Variants in ZCCHC7 observed in about 807,000 individuals in gnomAD.
The protein encoded by ZCCHC7 is zinc finger CCHC domain-containing protein 7.
ZCCHC7 carries 35 observed loss-of-function variants against 52.0 expected under a neutral mutation model. The observed-to-expected ratio is 0.67, with a 90% CI of 0.51 to 0.89. The LOEUF (loss-of-function observed/expected upper bound fraction) is 0.89, where lower values mean the gene tolerates loss of function less well. Among genes scored for constraint, ZCCHC7 ranks in the 40% least tolerant of loss-of-function variants. ZCCHC7 has a pLI of 0.00. For missense variants in ZCCHC7, 574 were observed against 649.1 expected, an observed-to-expected ratio of 0.88 and a Z score of 1.26; for synonymous variants, 217 against 221.5, an observed-to-expected ratio of 0.98 and a Z score of 0.18.
chr9:37,277,716 C>A (rs1588597954), intron 2 of ZCCHC7, among the ~76,000 whole-genome samples: 1 of 152,090 alleles, frequency 6.6e-6, no homozygotes, highest in Admixed American at 6.5e-5. Context: ...ATAGAGGCTA[C>A]TATAGCACCT....
intron 2 of ZCCHC7, among the ~76,000 whole-genome samples, chr9:37,208,612 A>G (rs1824046447): frequency 6.6e-6 from 1 of 152,224 alleles, no homozygotes; most frequent in Non-Finnish European, 1.5e-5. Context: ...GCTTTCTGGT[A>G]CTTACATCTC....
chr9:37,340,472 T>G (rs1429817229), intron 6 of ZCCHC7, among the ~76,000 whole-genome samples: 3 of 151,642 alleles, frequency 2.0e-5, no homozygotes, highest in Non-Finnish European at 4.4e-5. Flanking sequence ...ATCCGTTGGG[T>G]CAAAGTCTTT....
chr9:37,129,437 T>C (rs1227065923), intron 2 of ZCCHC7, among the ~76,000 whole-genome samples: 1 of 152,258 alleles, frequency 6.6e-6, no homozygotes, highest in African/African-American at 2.4e-5. Context: ...GATCCACTAA[T>C]GCTGTAATCC....
intron 2 of ZCCHC7, among the ~76,000 whole-genome samples, chr9:37,145,326 T>G (rs1456601393): frequency 1.3e-5 from 2 of 152,034 alleles, no homozygotes; most frequent in Admixed American, 6.6e-5. Flanking sequence ...ATTTTTTTAA[T>G]CTGAAAAACA....
At chr9:37,196,445 TAAA>T (rs1823290221) in intron 2 of ZCCHC7, among the ~76,000 whole-genome samples, 1 of 151,268 alleles carries the variant, frequency 6.6e-6, no homozygotes, top group Non-Finnish European at 1.5e-5. Flanking sequence ...TTATGGCAGG[TAAA>T]GAAGAATATT....
chr9:37,239,214 T>C (rs1477115429), intron 2 of ZCCHC7, among the ~76,000 whole-genome samples: 1 of 152,182 alleles, frequency 6.6e-6, no homozygotes, highest in Non-Finnish European at 1.5e-5. Flanking sequence ...TGAAAATAAT[T>C]ATTAACTGGC....
intron 1 of ZCCHC7, among the ~76,000 whole-genome samples, chr9:37,125,206 A>G (rs1016435235): frequency 1.3e-5 from 2 of 152,200 alleles, no homozygotes; most frequent in African/African-American, 2.4e-5. Context: ...CTGGAGTACA[A>G]TGGTATGAGC....
At chr9:37,253,235 A>G (rs943455260) in intron 2 of ZCCHC7, among the ~76,000 whole-genome samples, 3 of 152,036 alleles carry the variant, frequency 2.0e-5, no homozygotes, top group Admixed American at 1.3e-4. Flanking sequence ...AGATTATGCT[A>G]TTCTTTTATC....
Position 37,306,762 on chromosome 9 carries a change from C to CTTTTTTTTTTTTTTT in ZCCHC7, c.951+1076_951+1090dup, listed in dbSNP as rs869292704. Among the ~76,000 whole-genome samples the CTTTTTTTTTTTTTTT allele has an allele frequency of 1.2e-4, 6 of 52,034 alleles. 1 individual carries two copies. The highest frequency in any genetic ancestry group is 1.9e-4 in the Non-Finnish European group (5 of 26,720). The allele number at this position is 52,034 out of a possible 152,430, so 34.1% of individuals were successfully genotyped here. A position where few individuals can be genotyped will look rare whatever the true frequency, so the allele number is the denominator to read the frequency against. ...ACAGGCATGAGCCACTGTACCCGAC[C>CTTTTTTTTTTTTTTT]TTTTTTTTTTTTTTTTTTTTTTTTT... is the stretch of plus-strand genomic sequence containing the variant. On this transcript the variant is annotated intron_variant, in intron 5 of 8. Transcript: ENST00000336755.
intron 2 of ZCCHC7, chr9:37,186,694 A>ATT: frequency 6.9e-6 from 4 of 581,644 alleles, no homozygotes; most frequent in Non-Finnish European, 9.7e-6. Flanking sequence ...AGATTCAAAT[A>ATT]TTTTTTTTTC....
At chr9:37,319,301 AT>A (rs1447439176) in intron 5 of ZCCHC7, among the ~76,000 whole-genome samples, 1 of 152,016 alleles carries the variant, frequency 6.6e-6, no homozygotes, top group Non-Finnish European at 1.5e-5. Context: ...ATTTCAAAAT[AT>A]TTTTTTCTAG....
intron 2 of ZCCHC7, among the ~76,000 whole-genome samples, chr9:37,172,239 A>G (rs1821768665): frequency 6.6e-6 from 1 of 152,250 alleles, no homozygotes; most frequent in African/African-American, 2.4e-5. Context: ...TTCAACAGCT[A>G]GGAAAATCTG....
chr9:37,133,068 A>C (rs1842858791), intron 2 of ZCCHC7, among the ~76,000 whole-genome samples: 2 of 152,182 alleles, frequency 1.3e-5, no homozygotes, highest in Admixed American at 1.3e-4. Flanking sequence ...TGGGAGACGG[A>C]GGTTGCAGTG....
intron 7 of ZCCHC7, 65 bp downstream of exon 7, chr9:37,349,517 A>G (rs1278667736): frequency 6.9e-7 from 1 of 1,444,882 alleles, no homozygotes; most frequent in Non-Finnish European, 9.6e-7. Context: ...TGAAAGATGA[A>G]CTCAAAAAGA....
intron 2 of ZCCHC7, among the ~76,000 whole-genome samples, chr9:37,137,077 G>A (rs938093429): frequency 5.3e-5 from 8 of 152,152 alleles, no homozygotes; most frequent in Non-Finnish European, 1.0e-4. Flanking sequence ...TGCTGACAAC[G>A]TACAAGCCAC....
chr9:37,152,208 C>G (rs1438150321), intron 2 of ZCCHC7, among the ~76,000 whole-genome samples: 2 of 150,712 alleles, frequency 1.3e-5, no homozygotes, highest in African/African-American at 4.9e-5. Flanking sequence ...GAACTTCCCC[C>G]TTTCTTCATT....
rs572773020 is a variant in ZCCHC7 at position 37,292,229 on chromosome 9, T to A, written c.611-9959T>A. ...ATTCTTCTATAAATTATGAAATGAC[T>A]TAGTTTATTAAAAGGTCCCATTGGA... On this transcript the variant is annotated intron_variant, in intron 2 of 8. Coordinates refer to ENST00000336755, the MANE Select transcript of ZCCHC7 (RefSeq NM_032226.3). Among the ~76,000 whole-genome samples the A allele has an allele frequency of 3.3e-5, 5 of 152,320 alleles. No individual in the cohort carries two copies. In the South Asian group the frequency reaches 1.0e-3, roughly 32 times the overall value.
At chr9:37,197,771 C>T (rs10973248) in intron 2 of ZCCHC7, among the ~76,000 whole-genome samples, 50,820 of 151,930 alleles carry the variant, frequency 0.33, 8,837 homozygotes, top group Middle Eastern at 0.41. Context: ...AAAAAGTTTC[C>T]GAAATCTGAT....
intron 2 of ZCCHC7, among the ~76,000 whole-genome samples, chr9:37,295,842 T>G (rs2133660446): frequency 6.6e-6 from 1 of 152,230 alleles, no homozygotes; most frequent in East Asian, 1.9e-4. Flanking sequence ...ATATATGACA[T>G]AATCTGGGAG....
Sources: gnomAD v4.1 joint callset for allele counts (sites outside exome capture counted in the v4.1 genomes callset) on GRCh38, gnomAD v4.1.1 for gene constraint, MANE v1.5 for transcripts, NCBI Gene and HGNC (gene_info 2026-07-23, HGNC 2026-07-21) for gene names.